Variants in ATP2B2 observed in about 807,000 individuals in gnomAD.
ATP2B2 encodes plasma membrane calcium-transporting ATPase 2.
In ATP2B2, 15 loss-of-function variants were observed where a neutral mutation model predicts 120.0. That is an observed-to-expected ratio of 0.12 (90% CI 0.08 to 0.19). The LOEUF (loss-of-function observed/expected upper bound fraction) is 0.19. ATP2B2 is among the 10% of genes least tolerant of loss of function. The probability of loss-of-function intolerance (pLI) is 1.00; values close to 1 mark genes in which losing one functional copy is unlikely to be tolerated. For missense variants in ATP2B2, 1,045 were observed against 1,719.8 expected, an observed-to-expected ratio of 0.61 and a Z score of 6.94; for synonymous variants, 694 against 700.3, an observed-to-expected ratio of 0.99 and a Z score of 0.14.
At chr3:10,597,956 G>A (rs569935833) in intron 2 of ATP2B2, among the ~76,000 whole-genome samples, 9 of 152,248 alleles carry the variant, frequency 5.9e-5, no homozygotes, top group Non-Finnish European at 8.8e-5. Flanking sequence ...ATCACATTTC[G>A]GGAGCCGATT....
At chr3:10,401,553 C>T (rs535965461) in intron 4 of ATP2B2, among the ~76,000 whole-genome samples, 1 of 152,268 alleles carries the variant, frequency 6.6e-6, no homozygotes, top group East Asian at 1.9e-4. Context: ...TACCTTCTGC[C>T]TCACCTTACC....
At chr3:10,569,748 G>A (rs1048659744) in intron 2 of ATP2B2, among the ~76,000 whole-genome samples, 10 of 152,114 alleles carry the variant, frequency 6.6e-5, no homozygotes, top group African/African-American at 4.8e-5. Flanking sequence ...GGCAAGTCCC[G>A]AAGTGAAGGG....
intron 1 of ATP2B2, among the ~76,000 whole-genome samples, chr3:10,705,051 T>C (rs2071875623): frequency 6.6e-6 from 1 of 152,354 alleles, no homozygotes; most frequent in African/African-American, 2.4e-5. Context: ...GCAAAATTCT[T>C]CTGCAGTGAT....
In ATP2B2 at chr3:10,662,214, T is replaced by C. The variant is rs569365971; in HGVS notation, c.-459-42253A>G. Among the ~76,000 whole-genome samples the C allele has an allele frequency of 2.6e-5, 4 of 152,012 alleles. No homozygotes were observed. The South Asian group carries it at 8.3e-4, about 32-fold the overall frequency. On this transcript the variant is annotated intron_variant, in intron 1 of 21. Transcript: ENST00000646379. The stretch of plus-strand genomic sequence containing the variant: ...GGCATGTCTAAAATACCAAAAGCAA[T>C]GGCAACAAAAGCCAAAATTGACAAA...
chr3:10,688,190 C>T (rs2071569438), intron 1 of ATP2B2, among the ~76,000 whole-genome samples: 5 of 152,158 alleles, frequency 3.3e-5, no homozygotes, highest in Admixed American at 2.6e-4. Context: ...ACCTGTCTGC[C>T]TCATAAGGTT....
chr3:10,370,827 G>A (rs554594990), intron 12 of ATP2B2, among the ~76,000 whole-genome samples: 2 of 152,312 alleles, frequency 1.3e-5, no homozygotes, highest in East Asian at 1.9e-4. Context: ...AGGCAGAAAC[G>A]TTCTACATCT....
chr3:10,358,440 C>T (rs1374131821), intron 14 of ATP2B2, among the ~76,000 whole-genome samples: 3 of 152,256 alleles, frequency 2.0e-5, no homozygotes, highest in Non-Finnish European at 1.5e-5. Context: ...AGCTCGAGGA[C>T]TGCCCCCATG....
chr3:10,350,560 G>A lies in ATP2B2; in HGVS notation c.2154C>T (p.Arg718=). ...CCGTGATGCCTGCCCGCTGGCACTT[G>A]CGGATGGCTTCTGGGACCTGGGCAG... The part of the protein sequence containing the change: ...PVRPEVPEAI[R]KCQRAGITVR... The change falls in exon 15 of 23, where the codon CGC becomes CGT. Residue 718 remains arginine, a synonymous_variant. Transcript: ENST00000360273. 6.2e-7 allele frequency: 1 copy of A among 1,613,282 alleles called. No homozygotes were observed. Among genetic ancestry groups the A allele is most frequent in the Non-Finnish European group, 8.5e-7 (1 of 1,180,022 alleles).
At chr3:10,627,962 C>T (rs761211432) in intron 1 of ATP2B2, among the ~76,000 whole-genome samples, 7 of 152,064 alleles carry the variant, frequency 4.6e-5, no homozygotes, top group Non-Finnish European at 8.8e-5. Context: ...ATCAGGGAGG[C>T]GACTCAAGCT....
Position 10,336,443 on chromosome 3 carries a change from A to G in ATP2B2, c.3420+1733T>C, listed in dbSNP as rs1027003744. On this transcript the variant is annotated intron_variant, in intron 22 of 22. Coordinates refer to ENST00000360273, the MANE Select transcript of ATP2B2 (RefSeq NM_001001331.4). Reference sequence around the variant, plus strand: ...AAATCAAAACAAAAATACCAGACACACTCCAAGGCTCTGAAAAACGTCTGC... The same window carrying G: ...AAATCAAAACAAAAATACCAGACACGCTCCAAGGCTCTGAAAAACGTCTGC... 4.6e-6 allele frequency: 4 copies of G among 872,726 alleles called. No individual in the cohort carries two copies. In the South Asian group the frequency reaches 5.3e-5, roughly 12 times the overall value. 54.1% of individuals were successfully genotyped at this position (872,726 alleles called of 1,614,324 possible).
At chr3:10,330,816 C>T (rs192112004) in intron 22 of ATP2B2, among the ~76,000 whole-genome samples, 5 of 152,310 alleles carry the variant, frequency 3.3e-5, no homozygotes, top group African/African-American at 9.6e-5. Flanking sequence ...TAAGTGTCAT[C>T]GCTGAAGGTT....
In ATP2B2 at chr3:10,328,868, T is replaced by C; in HGVS notation, c.3678A>G (p.Ser1226=). 1.2e-6 allele frequency: 2 copies of C among 1,613,792 alleles called. No individual in the cohort carries two copies. Among genetic ancestry groups the C allele is most frequent in the Non-Finnish European group, 1.7e-6 (2 of 1,179,884 alleles). ...GGCTCCCTGGACTTGAAGAGGTAGC[T>C]GATTTGCTTGTGTCGGTCGTCAGGT... The part of the protein sequence containing the change: ...GINLTTDTSK[S]ATSSSPGSPI... The change falls in exon 23 of 23, where the codon TCA becomes TCG. Residue 1226 remains serine, a synonymous_variant. Coordinates refer to ENST00000360273, the MANE Select transcript of ATP2B2 (RefSeq NM_001001331.4).
chr3:10,399,540 T>C (rs1203428245), intron 5 of ATP2B2, among the ~76,000 whole-genome samples: 1 of 152,236 alleles, frequency 6.6e-6, no homozygotes, highest in Non-Finnish European at 1.5e-5. Context: ...TGCTTATTAC[T>C]TTATTGGTTC....
At chr3:10,470,300 T>C (rs62238411) in intron 1 of ATP2B2, among the ~76,000 whole-genome samples, 37,564 of 152,046 alleles carry the variant, frequency 0.25, 5,777 homozygotes, top group Non-Finnish European at 0.35. Context: ...AGGTGTTGTT[T>C]TCATGCCCAT....
chr3:10,653,285 T>G (rs2125669207), intron 1 of ATP2B2, among the ~76,000 whole-genome samples: 1 of 152,306 alleles, frequency 6.6e-6, no homozygotes, highest in Middle Eastern at 3.4e-3. Flanking sequence ...ACGCAGCCAC[T>G]CTTATCTGCT....
chr3:10,631,709 C>T (rs1169502576), intron 1 of ATP2B2, among the ~76,000 whole-genome samples: 3 of 152,196 alleles, frequency 2.0e-5, no homozygotes, highest in Non-Finnish European at 4.4e-5. Flanking sequence ...ATACAATGGG[C>T]TCCTCCTCCC....
intron 1 of ATP2B2, among the ~76,000 whole-genome samples, chr3:10,488,463 A>ATTCCTTCCTTCCTTCCTTCCTTCC (rs1257729803): frequency 6.3e-5 from 6 of 95,744 alleles, no homozygotes; most frequent in Non-Finnish European, 8.5e-5. Context: ...CACCCTACAA[A>ATTCCTTCCTTCCTTCCTTCCTTCC]TTCCTTCCTT....
At chr3:10,371,629 C>T (rs537862996) in intron 12 of ATP2B2, among the ~76,000 whole-genome samples, 180 bp downstream of exon 12, 1 of 152,226 alleles carries the variant, frequency 6.6e-6, no homozygotes, top group Non-Finnish European at 1.5e-5. Flanking sequence ...GTCACACAAA[C>T]ATTGTAGCAA....
At chr3:10,488,335 AT>A (rs1298236600) in intron 1 of ATP2B2, among the ~76,000 whole-genome samples, 83 of 145,912 alleles carry the variant, frequency 5.7e-4, no homozygotes, top group African/African-American at 7.4e-4. Context: ...CCATCCATCC[AT>A]CCATCCATCC....
Sources: allele counts gnomAD v4.1 joint callset (sites outside exome capture counted in the v4.1 genomes callset), GRCh38; gene constraint gnomAD v4.1.1; transcripts MANE v1.5; gene names NCBI Gene and HGNC (gene_info 2026-07-23, HGNC 2026-07-21).